The following CA5B variants were observed in gnomAD, a reference collection of about 807,000 sequenced individuals.
CA5B encodes carbonic anhydrase 5B.
CA5B carries 15 observed loss-of-function variants against 23.1 expected under a neutral mutation model. The ratio of observed to expected loss-of-function variants is 0.65; its 90% CI spans 0.43 to 1.00. The LOEUF (loss-of-function observed/expected upper bound fraction) is 1.00, where lower values mean the gene tolerates loss of function less well. Ranked by LOEUF, CA5B falls within the 50% of genes least tolerant of loss-of-function variation. The probability of loss-of-function intolerance (pLI) is 0.00; values close to 1 mark genes in which losing one functional copy is unlikely to be tolerated. For missense variants in CA5B, 236 were observed against 252.2 expected (o/e 0.94, Z 0.43); for synonymous variants, 84 against 98.5 (o/e 0.85, Z 0.87).
At chrX:15,753,353 G>C (rs1044715554) in intron 2 of CA5B, among the ~76,000 whole-genome samples, 2 of 112,831 alleles carry the variant, frequency 1.8e-5, no homozygotes, top group Middle Eastern at 4.2e-3. Context: ...TGCCTAAAGA[G>C]TTGAAGTCAA....
intron 4 of CA5B, among the ~76,000 whole-genome samples, chrX:15,773,204 A>G (rs1164602663): frequency 9.0e-6 from 1 of 110,857 alleles, no homozygotes; most frequent in African/African-American, 3.3e-5. Context: ...TCAATTGTAA[A>G]TGTTATGTAA....
intron 1 of CA5B, among the ~76,000 whole-genome samples, chrX:15,749,152 G>GTT (rs750810545): frequency 6.3e-5 from 7 of 111,104 alleles, no homozygotes; most frequent in African/African-American, 2.3e-4. Context: ...AAGAAGAATT[G>GTT]ATTTTTTTTT....
At chrX:15,738,533 A>G (rs1345420461) in intron 1 of CA5B, among the ~76,000 whole-genome samples, 181 bp downstream of exon 1, 1 of 110,427 alleles carries the variant, frequency 9.1e-6, no homozygotes, top group Non-Finnish European at 1.9e-5. Flanking sequence ...AGTGGGGCCT[A>G]ATGGGGTGTC....
rs144955923 is a variant in CA5B at position 15,738,985 on chromosome X, C to T, written c.-54+633C>T. On this transcript the variant is annotated intron_variant, in intron 1 of 7. Coordinates refer to ENST00000318636, the MANE Select transcript of CA5B (RefSeq NM_007220.4). ...TTTCTTCTGGCCTTTTTGTTTTGTGCTCAGCCCTAAAGCTGAAGGAGAGGA... is the reference window on the plus strand; with the variant it reads ...TTTCTTCTGGCCTTTTTGTTTTGTGTTCAGCCCTAAAGCTGAAGGAGAGGA... Among the ~76,000 whole-genome samples, 943 of 112,004 alleles carry T rather than the reference C, an allele frequency of 8.4e-3. 11 individuals carry two copies. Among genetic ancestry groups the T allele is most frequent in the African/African-American group, 0.029 (891 of 30,831 alleles).
At chrX:15,749,833 G>A (rs1004794916) in intron 1 of CA5B, 138 bp from the exon 2 acceptor site, 5 of 432,738 alleles carry the variant, frequency 1.2e-5, no homozygotes, top group South Asian at 4.4e-5. Context: ...TGGATAAACC[G>A]TTGACTCTCA....
intron 7 of CA5B, among the ~76,000 whole-genome samples, chrX:15,781,116 T>C (rs1412995355): frequency 3.6e-5 from 4 of 110,750 alleles, no homozygotes; most frequent in Non-Finnish European, 7.6e-5. Flanking sequence ...TAGCTGGGAT[T>C]ACAGGCATGA....
At chrX:15,769,197 G>A (rs750088715) in intron 3 of CA5B, among the ~76,000 whole-genome samples, 18 of 111,235 alleles carry the variant, frequency 1.6e-4, no homozygotes, top group Non-Finnish European at 2.8e-4. Flanking sequence ...AATTGGGGGA[G>A]ACCAAGAAAA....
chrX:15,745,838 C>CA (rs920807341), intron 1 of CA5B: 2 of 89,111 alleles, frequency 2.2e-5, no homozygotes, highest in Non-Finnish European at 5.3e-5. Context: ...TAAAAGAAAA[C>CA]AAAAAAATGA....
chrX:15,751,569 C>G (rs1464286125), intron 2 of CA5B, among the ~76,000 whole-genome samples: 1 of 104,863 alleles, frequency 9.5e-6, no homozygotes, highest in Non-Finnish European at 1.9e-5. Flanking sequence ...TGAAATTAAA[C>G]ATCCAAATCC....
intron 1 of CA5B, among the ~76,000 whole-genome samples, chrX:15,744,046 G>C (rs1931175246): frequency 8.9e-6 from 1 of 112,139 alleles, no homozygotes; most frequent in African/African-American, 3.2e-5. Flanking sequence ...GAGGGTGAAG[G>C]TGAGGATGAA....
chrX:15,784,858 TAACTC>T lies in CA5B; in HGVS notation c.*2197_*2201del, dbSNP rs2147271782. 1 of 111,844 alleles carries T rather than the reference TAACTC, an allele frequency of 8.9e-6. No individual in the cohort carries two copies. The highest frequency in any genetic ancestry group is 1.9e-5 in the Non-Finnish European group (1 of 53,147). The allele number at this position is 111,844 out of a possible 1,213,427, so 9.2% of individuals were successfully genotyped here. A position where few individuals can be genotyped will look rare whatever the true frequency, so the allele number is the denominator to read the frequency against. On this transcript the variant is annotated 3_prime_UTR_variant, in exon 8 of 8. Coordinates refer to ENST00000318636, the MANE Select transcript of CA5B (RefSeq NM_007220.4). ...TACAACTCAACAACAAAAAACCAAA[TAACTC>T]AATTTTTAAAAATGGGCAAAGGACT...
chrX:15,751,383 G>C (rs1931350922), intron 2 of CA5B, among the ~76,000 whole-genome samples: 1 of 112,091 alleles, frequency 8.9e-6, no homozygotes, highest in Admixed American at 9.5e-5. Flanking sequence ...AACATTGACT[G>C]TGTTCTTTTT....
At chrX:15,740,374 TTAAA>T (rs1259625918) in intron 1 of CA5B, among the ~76,000 whole-genome samples, 1 of 112,778 alleles carries the variant, frequency 8.9e-6, no homozygotes, top group Non-Finnish European at 1.9e-5. Context: ...GTGAGTAAGT[TTAAA>T]TAACCAACTC....
chrX:15,754,724 T>C (rs1187567090), intron 2 of CA5B, among the ~76,000 whole-genome samples: 2 of 112,542 alleles, frequency 1.8e-5, no homozygotes, highest in African/African-American at 3.2e-5. Context: ...TAATAATTCT[T>C]AATTGAATGA....
chrX:15,752,724 CA>C (rs35355387), intron 2 of CA5B, among the ~76,000 whole-genome samples: 34,494 of 92,992 alleles, frequency 0.37, 4,787 homozygotes, highest in East Asian at 0.45. Flanking sequence ...GACTCTGTCT[CA>C]AAAAAAAAAA....
rs906302403 is a variant in CA5B, at chrX:15,782,693, T to C, written c.*29T>C. ...ATTCATATCTAGGCAGTATTTTGCT[T>C]TTGCTTTAATATATACTAGCTTACT... On this transcript the variant is annotated 3_prime_UTR_variant, in exon 8 of 8. Coordinates refer to ENST00000318636, the MANE Select transcript of CA5B (RefSeq NM_007220.4). 5 of 1,093,679 alleles carry C rather than the reference T, an allele frequency of 4.6e-6. No individual in the cohort carries two copies. Among genetic ancestry groups the C allele is most frequent in the Non-Finnish European group, 4.9e-6 (4 of 815,748 alleles). 90.1% of individuals were successfully genotyped at this position (1,093,679 alleles called of 1,213,427 possible). A position where few individuals can be genotyped will look rare whatever the true frequency, so the allele number is the denominator to read the frequency against.
chrX:15,753,537 G>A (rs1467877229), intron 2 of CA5B, among the ~76,000 whole-genome samples: 1 of 112,470 alleles, frequency 8.9e-6, no homozygotes, highest in Admixed American at 9.4e-5. Flanking sequence ...GAAAGGGACA[G>A]GGGCTCTCTA....
intron 2 of CA5B, among the ~76,000 whole-genome samples, chrX:15,760,753 T>C (rs1297944815): frequency 9.0e-6 from 1 of 111,510 alleles, no homozygotes; most frequent in African/African-American, 3.3e-5. Context: ...ATAGTCTCTT[T>C]GTGTCAGGAA....
Position 15,784,876 on chromosome X carries a change from TG to T in CA5B, c.*2215del, listed in dbSNP as rs1389876540. The T allele has an allele frequency of 8.9e-6, 1 of 112,214 alleles. No homozygotes were observed. The highest frequency in any genetic ancestry group is 2.8e-4 in the East Asian group (1 of 3,622). 9.2% of individuals were successfully genotyped at this position (112,214 alleles called of 1,213,427 possible). A position where few individuals can be genotyped will look rare whatever the true frequency, so the allele number is the denominator to read the frequency against. On this transcript the variant is annotated 3_prime_UTR_variant, in exon 8 of 8. Transcript: ENST00000318636. Reference sequence around the variant, plus strand: ...AACCAAATAACTCAATTTTTAAAAATGGGCAAAGGACTTGCACAGACATTTC... The same window carrying T: ...AACCAAATAACTCAATTTTTAAAAATGGCAAAGGACTTGCACAGACATTTC...
Sources: allele counts gnomAD v4.1 joint callset (sites outside exome capture counted in the v4.1 genomes callset), GRCh38; gene constraint gnomAD v4.1.1; transcripts MANE v1.5; gene names NCBI Gene and HGNC (gene_info 2026-07-23, HGNC 2026-07-21).